Variants in GALNT2 observed in about 807,000 individuals in gnomAD.
GALNT2 encodes the protein polypeptide N-acetylgalactosaminyltransferase 2.
In GALNT2, 31 loss-of-function variants were observed where a neutral mutation model predicts 81.4. The observed-to-expected ratio is 0.38, with a 90% CI of 0.29 to 0.51. The LOEUF (loss-of-function observed/expected upper bound fraction) is 0.51, where lower values mean the gene tolerates loss of function less well. Among genes scored for constraint, GALNT2 ranks in the 20% least tolerant of loss-of-function variants. The pLI is 0.87. For missense variants in GALNT2, 629 were observed against 765.7 expected (o/e 0.82, Z 2.11); for synonymous variants, 303 against 287.4 (o/e 1.05, Z -0.55).
At chr1:230,088,570 C>G (rs1378901914) in intron 1 of GALNT2, among the ~76,000 whole-genome samples, 1 of 148,028 alleles carries the variant, frequency 6.8e-6, no homozygotes, top group Non-Finnish European at 1.5e-5. Context: ...CAGAGTCTTG[C>G]TCTGTCACCC....
chr1:230,247,672 G>T (rs1417805542), intron 8 of GALNT2, among the ~76,000 whole-genome samples: 1 of 152,182 alleles, frequency 6.6e-6, no homozygotes, highest in Non-Finnish European at 1.5e-5. Context: ...AGCTGCGTAT[G>T]TCAGAGCAGG....
At chr1:230,146,989 G>A (rs951894840) in intron 1 of GALNT2, among the ~76,000 whole-genome samples, 1 of 152,222 alleles carries the variant, frequency 6.6e-6, no homozygotes, top group Non-Finnish European at 1.5e-5. Flanking sequence ...CAGACAGGAG[G>A]CAGGTGGGCC....
At chr1:230,177,261 G>T (rs540445277) in intron 1 of GALNT2, among the ~76,000 whole-genome samples, 2 of 152,268 alleles carry the variant, frequency 1.3e-5, no homozygotes, top group African/African-American at 2.4e-5. Flanking sequence ...AGTCCGCACT[G>T]GTCCAGAGGA....
intron 1 of GALNT2, among the ~76,000 whole-genome samples, chr1:230,088,382 T>C (rs1659957419): frequency 1.3e-5 from 2 of 152,184 alleles, no homozygotes; most frequent in African/African-American, 4.8e-5. Flanking sequence ...ACTAGCATGA[T>C]GTCTTCAAGA....
upstream of GALNT2, among the ~76,000 whole-genome samples, chr1:230,067,019 T>C (rs1264586131): frequency 6.8e-6 from 1 of 147,464 alleles, no homozygotes; most frequent in Non-Finnish European, 1.5e-5. Flanking sequence ...CGCCGCCGAT[T>C]GGTCGCCCTT....
At chr1:230,119,542 C>T (rs1022651547) in intron 1 of GALNT2, among the ~76,000 whole-genome samples, 2 of 152,156 alleles carry the variant, frequency 1.3e-5, no homozygotes, top group African/African-American at 4.8e-5. Context: ...TACTCAGTGT[C>T]TGTATCTCCT....
At chr1:230,213,315 GTTCT>G (rs1309093477) in intron 3 of GALNT2, among the ~76,000 whole-genome samples, 1 of 152,010 alleles carries the variant, frequency 6.6e-6, no homozygotes, top group African/African-American at 2.4e-5. Context: ...ACAGAGCTCT[GTTCT>G]TTCTATTTTA....
intron 1 of GALNT2, among the ~76,000 whole-genome samples, chr1:230,134,214 T>A (rs1222008198): frequency 1.3e-5 from 2 of 150,666 alleles, no homozygotes; most frequent in East Asian, 4.0e-4. Context: ...GTTCACGCCA[T>A]TCTCCTGCCT....
intron 8 of GALNT2, among the ~76,000 whole-genome samples, chr1:230,247,595 T>C (rs997960063): frequency 6.6e-6 from 1 of 152,190 alleles, no homozygotes; most frequent in African/African-American, 2.4e-5. Flanking sequence ...AGCCTGGCTT[T>C]CAGAATGTTG....
At chr1:230,160,992 C>T (rs1309480621) in intron 1 of GALNT2, among the ~76,000 whole-genome samples, 1 of 152,150 alleles carries the variant, frequency 6.6e-6, no homozygotes, top group Non-Finnish European at 1.5e-5. Context: ...CAGTCTACTT[C>T]CTATCTATTG....
intron 1 of GALNT2, among the ~76,000 whole-genome samples, chr1:230,142,491 T>C (rs867615758): frequency 6.6e-6 from 1 of 152,208 alleles, no homozygotes; most frequent in African/African-American, 2.4e-5. Context: ...ACTTAACCTC[T>C]GTGTGCCTCT....
chr1:230,092,638 C>T (rs1245722917), intron 1 of GALNT2, among the ~76,000 whole-genome samples: 2 of 152,160 alleles, frequency 1.3e-5, no homozygotes, highest in Non-Finnish European at 2.9e-5. Context: ...GCCACCGCAC[C>T]TGGCCAAGGG....
chr1:230,131,555 CT>C (rs1478772667), intron 1 of GALNT2, among the ~76,000 whole-genome samples: 1 of 152,184 alleles, frequency 6.6e-6, no homozygotes, highest in African/African-American at 2.4e-5. Flanking sequence ...GGAGTTAGGT[CT>C]TAAGCACTAG....
upstream of GALNT2, among the ~76,000 whole-genome samples, chr1:230,057,827 C>T (rs552642578): frequency 3.9e-5 from 6 of 152,246 alleles, no homozygotes; most frequent in African/African-American, 1.2e-4. Context: ...AGCTGCGGGG[C>T]GTCTTGAGAA....
intron 1 of GALNT2, among the ~76,000 whole-genome samples, chr1:230,165,815 C>T (rs922132658): frequency 2.6e-5 from 4 of 152,332 alleles, no homozygotes; most frequent in Non-Finnish European, 4.4e-5. Context: ...GCCAGAGCCC[C>T]TGGAGAGGGC....
intron 2 of GALNT2, among the ~76,000 whole-genome samples, chr1:230,192,747 T>G (rs1445367022): frequency 6.6e-6 from 1 of 152,250 alleles, no homozygotes; most frequent in Non-Finnish European, 1.5e-5. Flanking sequence ...TGATATTTTC[T>G]TAGGTTTTCT....
intron 3 of GALNT2, among the ~76,000 whole-genome samples, chr1:230,232,227 A>G (rs1192588109): frequency 6.6e-6 from 1 of 152,116 alleles, no homozygotes; most frequent in Non-Finnish European, 1.5e-5. Flanking sequence ...GATGTAAAAT[A>G]TTTCTTAGTT....
chr1:230,182,490 G>A (rs1337543394), intron 2 of GALNT2, among the ~76,000 whole-genome samples: 1 of 152,100 alleles, frequency 6.6e-6, no homozygotes, highest in Non-Finnish European at 1.5e-5. Flanking sequence ...TTTGACCCCT[G>A]TGTCATTTAG....
At chr1:230,253,824 C>T (rs564851057) in intron 10 of GALNT2, among the ~76,000 whole-genome samples, 7 of 152,184 alleles carry the variant, frequency 4.6e-5, no homozygotes, top group Non-Finnish European at 8.8e-5. Flanking sequence ...AAAATCCCTA[C>T]TCCTTCCTTC....
Sources: gnomAD v4.1 joint callset for allele counts (sites outside exome capture counted in the v4.1 genomes callset) on GRCh38, gnomAD v4.1.1 for gene constraint, MANE v1.5 for transcripts, NCBI Gene and HGNC (gene_info 2026-07-23, HGNC 2026-07-21) for gene names.